The following SUMF1 variants were observed in gnomAD, a reference collection of about 807,000 sequenced individuals.
SUMF1 encodes the protein sulfatase modifying factor 1, also known as formylglycine-generating enzyme.
Under a neutral mutation model 47.6 loss-of-function variants are expected in SUMF1, and 48 were observed. The ratio of observed to expected loss-of-function variants is 1.01; its 90% CI spans 0.80 to 1.28. The LOEUF is 1.28. Ranked by LOEUF, SUMF1 falls within the 50% of genes most tolerant of loss-of-function variation. SUMF1 has a pLI of 0.00. For missense variants in SUMF1, 571 were observed against 485.4 expected, an observed-to-expected ratio of 1.18 and a Z score of -1.66; for synonymous variants, 230 against 192.1, an observed-to-expected ratio of 1.20 and a Z score of -1.63.
chr3:4,306,316 G>C (rs960380529), intron 8 of SUMF1, among the ~76,000 whole-genome samples: 18 of 152,098 alleles, frequency 1.2e-4, no homozygotes, highest in African/African-American at 4.3e-4. Flanking sequence ...ATCTCCCTTA[G>C]AATCATTGTA....
At chr3:4,441,081 C>G (rs1702571456) in intron 3 of SUMF1, among the ~76,000 whole-genome samples, 1 of 152,164 alleles carries the variant, frequency 6.6e-6, no homozygotes, top group African/African-American at 2.4e-5. Flanking sequence ...CCGGGCCAAA[C>G]AGCAGGAGGT....
chr3:4,351,364 A>G (rs928080023), intron 8 of SUMF1, among the ~76,000 whole-genome samples: 3 of 152,230 alleles, frequency 2.0e-5, no homozygotes, highest in Non-Finnish European at 4.4e-5. Flanking sequence ...AGAAGCAAGT[A>G]AGAAACTTTA....
chr3:4,386,443 T>A (rs758277857), intron 7 of SUMF1, among the ~76,000 whole-genome samples: 2 of 152,270 alleles, frequency 1.3e-5, no homozygotes, highest in Middle Eastern at 3.4e-3. Flanking sequence ...AACATGTTCA[T>A]CTTGTGTCTT....
At chr3:4,356,933 A>G (rs1179166283), downstream of SUMF1, among the ~76,000 whole-genome samples, 1 of 152,100 alleles carries the variant, frequency 6.6e-6, no homozygotes, top group Non-Finnish European at 1.5e-5. Flanking sequence ...CACTTCCTAA[A>G]TCTAGTGATT....
chr3:4,364,223 A>T lies in SUMF1; in HGVS notation c.1015-1969T>A, dbSNP rs906277160. ...GTCTCTGCCCGGCTTTGGTATCAGG[A>T]TGATGCTGGCCTCATCAAATGAGTT... On this transcript the variant is annotated intron_variant, in intron 8 of 8. Transcript: ENST00000272902. Among the ~76,000 whole-genome samples the T allele has an allele frequency of 3.9e-5, 5 of 129,708 alleles. 1 individual carries two copies. The highest frequency in any genetic ancestry group is 6.9e-5 in the Non-Finnish European group (4 of 57,560). 85.1% of individuals were successfully genotyped at this position (129,708 alleles called of 152,430 possible). A position where few individuals can be genotyped will look rare whatever the true frequency, so the allele number is the denominator to read the frequency against.
chr3:4,321,523 G>T (rs915488445), intron 8 of SUMF1, among the ~76,000 whole-genome samples: 1 of 149,986 alleles, frequency 6.7e-6, no homozygotes, highest in Non-Finnish European at 1.5e-5. Context: ...ATTGATGGGG[G>T]TGTCAAAGGA....
At chr3:4,260,063 A>G (rs1016120537) in intron 8 of SUMF1, among the ~76,000 whole-genome samples, 3 of 152,234 alleles carry the variant, frequency 2.0e-5, no homozygotes, top group Non-Finnish European at 2.9e-5. Flanking sequence ...TCAATAATTC[A>G]GGAATAATGA....
intron 9 of SUMF1, among the ~76,000 whole-genome samples, chr3:4,036,303 G>A (rs185613732): frequency 1.3e-5 from 2 of 152,260 alleles, no homozygotes; most frequent in East Asian, 1.9e-4. Context: ...GTGTGAAATA[G>A]CTCATTTAGA....
chr3:4,110,703 T>A (rs191409090), intron 8 of SUMF1, among the ~76,000 whole-genome samples: 1 of 151,886 alleles, frequency 6.6e-6, no homozygotes, highest in East Asian at 1.9e-4. Context: ...GGGACAGGGA[T>A]GAAGCTGGAA....
chr3:4,424,651 C>A (rs966136639), intron 3 of SUMF1, among the ~76,000 whole-genome samples: 1 of 152,070 alleles, frequency 6.6e-6, no homozygotes, highest in Non-Finnish European at 1.5e-5. Context: ...GAATACTATA[C>A]GGCTAGTTAT....
chr3:4,052,863 G>C lies in SUMF1; in HGVS notation c.1191+15706C>G, dbSNP rs145654514. 2.0e-5 allele frequency among the ~76,000 whole-genome samples: 3 copies of C among 152,258 alleles called. No individual in the cohort carries two copies. In the East Asian group the frequency reaches 5.8e-4, roughly 29 times the overall value. ...AAAGAAATGTTGTATGTGGTTTAATGTTCCATCCAGACCACTCAAACATTC... is the reference window on the plus strand; with the variant it reads ...AAAGAAATGTTGTATGTGGTTTAATCTTCCATCCAGACCACTCAAACATTC... On this transcript the variant is annotated intron_variant and NMD_transcript_variant, in intron 9 of 12. Coordinates refer to the SUMF1 transcript ENST00000448413.
chr3:4,449,392 G>C (rs771610035), intron 2 of SUMF1, 52 bp from the exon 3 acceptor site: 2 of 1,556,604 alleles, frequency 1.3e-6, no homozygotes, highest in Non-Finnish European at 1.8e-6. Context: ...GTAATGTGTT[G>C]CATGTGTGCC....
intron 8 of SUMF1, among the ~76,000 whole-genome samples, chr3:4,274,994 T>C (rs1463627230): frequency 2.0e-5 from 3 of 152,112 alleles, no homozygotes; most frequent in African/African-American, 7.2e-5. Context: ...CCAGAGGGCA[T>C]CTCCAGAGCA....
chr3:4,405,329 C>T (rs1417649683), intron 7 of SUMF1, among the ~76,000 whole-genome samples: 2 of 152,152 alleles, frequency 1.3e-5, no homozygotes, highest in Non-Finnish European at 2.9e-5. Context: ...CCTCTGCACA[C>T]CACAGGAGAC....
chr3:4,368,182 G>A (rs564152383), intron 8 of SUMF1, among the ~76,000 whole-genome samples: 1 of 152,198 alleles, frequency 6.6e-6, no homozygotes, highest in African/African-American at 2.4e-5. Flanking sequence ...CGAAGGACAT[G>A]AACAGACACT....
chr3:4,078,967 T>G (rs1400845201), intron 8 of SUMF1, among the ~76,000 whole-genome samples: 1 of 152,128 alleles, frequency 6.6e-6, no homozygotes, highest in African/African-American at 2.4e-5. Flanking sequence ...ATCACAGACT[T>G]GGCAATGTTT....
intron 8 of SUMF1, among the ~76,000 whole-genome samples, chr3:4,336,868 G>A (rs1699163517): frequency 6.6e-6 from 1 of 152,130 alleles, no homozygotes; most frequent in Non-Finnish European, 1.5e-5. Flanking sequence ...CAAATTACTT[G>A]ATGTACTGAA....
intron 1 of SUMF1, among the ~76,000 whole-genome samples, chr3:4,465,538 A>G (rs1249011823): frequency 6.6e-6 from 1 of 152,194 alleles, no homozygotes; most frequent in Admixed American, 6.5e-5. Context: ...CAGGCAAGTT[A>G]GAGAGGAATT....
At chr3:4,264,062 G>C (rs1181065027) in intron 8 of SUMF1, among the ~76,000 whole-genome samples, 1 of 152,128 alleles carries the variant, frequency 6.6e-6, no homozygotes, top group Non-Finnish European at 1.5e-5. Context: ...TGACAAAAGA[G>C]AAGAGGAAAA....
Sources: allele counts gnomAD v4.1 joint callset (sites outside exome capture counted in the v4.1 genomes callset), GRCh38; gene constraint gnomAD v4.1.1; transcripts MANE v1.5; gene names NCBI Gene and HGNC (gene_info 2026-07-23, HGNC 2026-07-21).